Variants in ST18 observed in about 807,000 individuals in gnomAD.
The protein encoded by ST18 is suppression of tumorigenicity 18 protein.
A neutral mutation model predicts 110.0 loss-of-function variants in ST18; 50 were observed. The observed-to-expected ratio is 0.45, with a 90% CI of 0.36 to 0.58. The LOEUF (loss-of-function observed/expected upper bound fraction) is 0.58, where lower values mean the gene tolerates loss of function less well. Ranked by LOEUF, ST18 falls within the 20% of genes least tolerant of loss-of-function variation. The probability of loss-of-function intolerance (pLI) is 0.00; values close to 1 mark genes in which losing one functional copy is unlikely to be tolerated. For missense variants in ST18, 1,306 were observed against 1,280.1 expected (o/e 1.02, Z -0.31); for synonymous variants, 461 against 452.4 (o/e 1.02, Z -0.24).
intron 8 of ST18, among the ~76,000 whole-genome samples, chr8:52,180,981 A>T (rs1450545407): frequency 6.6e-6 from 1 of 152,234 alleles, no homozygotes; most frequent in African/African-American, 2.4e-5. Flanking sequence ...AATGGACAAC[A>T]GTTTATCCTC....
At chr8:52,333,347 C>T (rs570772992) in intron 2 of ST18, among the ~76,000 whole-genome samples, 1 of 150,360 alleles carries the variant, frequency 6.7e-6, no homozygotes, top group African/African-American at 2.4e-5. Flanking sequence ...GCTGAGAGAA[C>T]ACCACTGAGA....
intron 2 of ST18, among the ~76,000 whole-genome samples, chr8:52,290,599 G>A (rs1028186947): frequency 1.3e-4 from 20 of 152,250 alleles, no homozygotes; most frequent in East Asian, 3.9e-4. Flanking sequence ...TGAAAGAGGC[G>A]GGGATGTTGA....
At chr8:52,255,175 A>G (rs912431860) in intron 2 of ST18, among the ~76,000 whole-genome samples, 2 of 152,114 alleles carry the variant, frequency 1.3e-5, no homozygotes, top group Non-Finnish European at 2.9e-5. Flanking sequence ...GGCACACAGA[A>G]TGGTCTCTGT....
At chr8:52,158,794 G>A (rs2060646617) in intron 15 of ST18, 104 bp downstream of exon 15, 2 of 1,322,580 alleles carry the variant, frequency 1.5e-6, no homozygotes, top group Non-Finnish European at 2.2e-6. Context: ...TCGCTTCAGA[G>A]GTTGGGGAGC....
intron 2 of ST18, among the ~76,000 whole-genome samples, chr8:52,329,282 GT>G (rs765907942): frequency 7.3e-6 from 1 of 136,810 alleles, no homozygotes; most frequent in East Asian, 2.1e-4. Flanking sequence ...TGGAGAAATG[GT>G]AAAAAAAAAA....
chr8:52,200,845 C>G (rs1490239033), intron 8 of ST18, among the ~76,000 whole-genome samples: 4 of 152,290 alleles, frequency 2.6e-5, no homozygotes, highest in African/African-American at 9.6e-5. Context: ...ACACGGGAAG[C>G]AGGTGGGTAT....
chr8:52,219,845 T>C lies in ST18; in HGVS notation c.-157+896A>G, dbSNP rs184729100. On this transcript the variant is annotated intron_variant, in intron 5 of 25. Transcript: ENST00000689386. ...GCATTATAAGGTGAATGGTTGGTTT[T>C]GATTCTCTCTGATTTCTGAGTTGTC... Among the ~76,000 whole-genome samples the C allele has an allele frequency of 1.2e-3, 179 of 152,360 alleles. 1 individual carries two copies. Among genetic ancestry groups the C allele is most frequent in the Admixed American group, 0.012 (177 of 15,296 alleles).
intron 2 of ST18, among the ~76,000 whole-genome samples, chr8:52,237,730 T>A (rs569298109): frequency 6.6e-6 from 1 of 152,212 alleles, no homozygotes; most frequent in Admixed American, 6.5e-5. Context: ...GACAATAATG[T>A]AGGCTAGAGG....
At chr8:52,279,959 C>T (rs1380718490) in intron 2 of ST18, among the ~76,000 whole-genome samples, 1 of 152,022 alleles carries the variant, frequency 6.6e-6, no homozygotes, top group Non-Finnish European at 1.5e-5. Flanking sequence ...GTGGGCTAAA[C>T]AGATACCAAT....
intron 8 of ST18, among the ~76,000 whole-genome samples, chr8:52,209,495 G>C (rs965319134): frequency 3.3e-5 from 5 of 152,148 alleles, no homozygotes; most frequent in African/African-American, 4.8e-5. Context: ...TTATTGACTG[G>C]GTGCAGTGGC....
At chr8:52,360,017 C>T (rs1483195909) in intron 2 of ST18, among the ~76,000 whole-genome samples, 3 of 152,074 alleles carry the variant, frequency 2.0e-5, no homozygotes, top group African/African-American at 7.2e-5. Flanking sequence ...TTTCAAACTT[C>T]TTATTGGAAG....
At chr8:52,250,053 C>T (rs2094166068) in intron 2 of ST18, among the ~76,000 whole-genome samples, 1 of 151,962 alleles carries the variant, frequency 6.6e-6, no homozygotes, top group South Asian at 2.1e-4. Context: ...GGTAAAAACC[C>T]TTTTAACTCC....
At chr8:52,132,231 T>C in intron 21 of ST18, 52 bp from the exon 22 acceptor site, 1 of 1,480,042 alleles carries the variant, frequency 6.8e-7, no homozygotes, top group Non-Finnish European at 9.2e-7. Flanking sequence ...GTGATAGTCC[T>C]ATGCTCTCCA....
intron 23 of ST18, among the ~76,000 whole-genome samples, chr8:52,124,208 C>T (rs2046101953): frequency 6.6e-6 from 1 of 151,654 alleles, no homozygotes; most frequent in African/African-American, 2.4e-5. Flanking sequence ...CAGAGTCTCA[C>T]TCTGTTGCCC....
intron 2 of ST18, among the ~76,000 whole-genome samples, chr8:52,242,770 A>C (rs1320245804): frequency 6.6e-6 from 1 of 151,682 alleles, no homozygotes; most frequent in African/African-American, 2.4e-5. Flanking sequence ...TGGGAGGGAG[A>C]CTGAGGCAGA....
intron 2 of ST18, among the ~76,000 whole-genome samples, chr8:52,245,194 A>ATAGACAACAAACAAAAGAT (rs2093743740): frequency 1.3e-5 from 2 of 152,202 alleles, no homozygotes; most frequent in Non-Finnish European, 2.9e-5. Flanking sequence ...AAGAGCAAAC[A>ATAGACAACAAACAAAAGAT]GTGGACACAT....
At chr8:52,216,346 C>A (rs2084206270) in intron 6 of ST18, among the ~76,000 whole-genome samples, 1 of 152,078 alleles carries the variant, frequency 6.6e-6, no homozygotes, top group African/African-American at 2.4e-5. Flanking sequence ...GAATGCTGGT[C>A]TCATAATTGT....
At chr8:52,149,076 T>C (rs747674220) in intron 16 of ST18, among the ~76,000 whole-genome samples, 7 of 152,234 alleles carry the variant, frequency 4.6e-5, no homozygotes, top group Non-Finnish European at 1.0e-4. Context: ...GAGTAGTCCA[T>C]GGCTAATCAG....
chr8:52,373,743 T>C (rs987128762), intron 2 of ST18, among the ~76,000 whole-genome samples: 1 of 152,192 alleles, frequency 6.6e-6, no homozygotes, highest in Non-Finnish European at 1.5e-5. Context: ...ATTTCTTATA[T>C]ATGCCCCCAA....
Sources: gnomAD v4.1 joint callset for allele counts (sites outside exome capture counted in the v4.1 genomes callset) on GRCh38, gnomAD v4.1.1 for gene constraint, MANE v1.5 for transcripts, NCBI Gene and HGNC (gene_info 2026-07-23, HGNC 2026-07-21) for gene names.